The following IL1RAPL2 variants were observed in gnomAD, a reference collection of about 807,000 sequenced individuals.
The protein encoded by IL1RAPL2 is X-linked interleukin-1 receptor accessory protein-like 2.
A neutral mutation model predicts 44.1 loss-of-function variants in IL1RAPL2; 3 were observed. That is an observed-to-expected ratio of 0.07 (90% CI 0.03 to 0.18). The LOEUF (loss-of-function observed/expected upper bound fraction) is 0.18. Among genes scored for constraint, IL1RAPL2 ranks in the 10% least tolerant of loss-of-function variants. The probability of loss-of-function intolerance (pLI) is 1.00; values close to 1 mark genes in which losing one functional copy is unlikely to be tolerated. For missense variants in IL1RAPL2, 391 were observed against 496.4 expected, an observed-to-expected ratio of 0.79 and a Z score of 2.02; for synonymous variants, 181 against 178.8, an observed-to-expected ratio of 1.01 and a Z score of -0.10.
chrX:105,361,196 T>C (rs1438125113), intron 5 of IL1RAPL2, among the ~76,000 whole-genome samples: 3 of 111,093 alleles, frequency 2.7e-5, no homozygotes, highest in African/African-American at 9.8e-5. Context: ...TCAGAACAGA[T>C]TTAATCTCCA....
intron 2 of IL1RAPL2, among the ~76,000 whole-genome samples, chrX:104,852,442 T>C (rs765047610): frequency 1.1e-4 from 12 of 112,163 alleles, no homozygotes; most frequent in South Asian, 7.5e-4. Flanking sequence ...TGCAGTCTTT[T>C]GTAATAGTTC....
intron 5 of IL1RAPL2, among the ~76,000 whole-genome samples, chrX:105,342,151 G>A (rs960290753): frequency 4.1e-4 from 33 of 80,907 alleles, no homozygotes; most frequent in Admixed American, 1.1e-3. Context: ...ACACACTGGG[G>A]ACTGTTGTGG....
chrX:105,025,918 A>G (rs73518215), intron 2 of IL1RAPL2, among the ~76,000 whole-genome samples: 7,623 of 111,188 alleles, frequency 0.069, 698 homozygotes, highest in African/African-American at 0.24. Flanking sequence ...CAGTTATGAA[A>G]GAAAGGCCCT....
intron 2 of IL1RAPL2, among the ~76,000 whole-genome samples, chrX:104,724,361 G>A (rs1398196902): frequency 1.8e-5 from 2 of 111,217 alleles, no homozygotes; most frequent in East Asian, 5.7e-4. Flanking sequence ...TATACCTAAT[G>A]TTAAATGATG....
intron 2 of IL1RAPL2, among the ~76,000 whole-genome samples, chrX:105,131,528 A>T (rs1289115608): frequency 9.1e-6 from 1 of 110,179 alleles, no homozygotes; most frequent in Non-Finnish European, 1.9e-5. Context: ...TCAACCTGTA[A>T]ATATTTTTTT....
At chrX:104,669,474 C>T (rs1478729485) in intron 2 of IL1RAPL2, among the ~76,000 whole-genome samples, 1 of 111,265 alleles carries the variant, frequency 9.0e-6, no homozygotes, top group Non-Finnish European at 1.9e-5. Flanking sequence ...TAACAAACCA[C>T]TCCATACGTT....
chrX:104,774,580 G>A (rs1211098661), intron 2 of IL1RAPL2, among the ~76,000 whole-genome samples: 4 of 111,948 alleles, frequency 3.6e-5, no homozygotes, highest in Non-Finnish European at 7.5e-5. Context: ...TTATCTGAAT[G>A]CATGTTTGTG....
chrX:105,595,148 T>C lies in IL1RAPL2; in HGVS notation c.772+110761T>C, dbSNP rs775211971. Among the ~76,000 whole-genome samples the C allele has an allele frequency of 2.7e-5, 3 of 112,296 alleles. No individual in the cohort carries two copies. The South Asian group carries it at 1.1e-3, about 42-fold the overall frequency. ...TTACCTTGTAGAAGAAAGGACTTTT[T>C]TGATCACTGAAAACTTCAAATTATA... is the stretch of plus-strand genomic sequence containing the variant. On this transcript the variant is annotated intron_variant, in intron 6 of 10. Coordinates refer to ENST00000372582, the MANE Select transcript of IL1RAPL2 (RefSeq NM_017416.2).
intron 5 of IL1RAPL2, among the ~76,000 whole-genome samples, chrX:105,461,471 G>T (rs2036092307): frequency 9.0e-6 from 1 of 110,779 alleles, no homozygotes; most frequent in Non-Finnish European, 1.9e-5. Flanking sequence ...GGCTTGAAAG[G>T]GTTAGTGCCA....
At chrX:105,641,536 C>G (rs1421695697) in intron 6 of IL1RAPL2, among the ~76,000 whole-genome samples, 1 of 111,480 alleles carries the variant, frequency 9.0e-6, no homozygotes, top group African/African-American at 3.3e-5. Context: ...AGACAATAAG[C>G]AAAGTGAATG....
intron 6 of IL1RAPL2, among the ~76,000 whole-genome samples, chrX:105,575,243 A>G (rs2037042128): frequency 9.1e-6 from 1 of 110,472 alleles, no homozygotes; most frequent in African/African-American, 3.3e-5. Flanking sequence ...AACTTGTGTC[A>G]TGGGGGCTTG....
chrX:104,735,530 C>T (rs1227040538), intron 2 of IL1RAPL2, among the ~76,000 whole-genome samples: 1 of 111,188 alleles, frequency 9.0e-6, no homozygotes, highest in African/African-American at 3.3e-5. Context: ...AGTAGCCACA[C>T]AAAACTAAAA....
intron 2 of IL1RAPL2, among the ~76,000 whole-genome samples, chrX:104,770,632 T>A (rs1265758841): frequency 1.8e-5 from 2 of 112,230 alleles, no homozygotes; most frequent in Non-Finnish European, 3.8e-5. Context: ...CTAGTAAGTG[T>A]CAGAGCCATG....
intron 5 of IL1RAPL2, among the ~76,000 whole-genome samples, chrX:105,383,370 C>T (rs1430500656): frequency 9.0e-6 from 1 of 111,470 alleles, no homozygotes; most frequent in African/African-American, 3.3e-5. Flanking sequence ...TCTTTCTTTT[C>T]CTGGCTTATT....
intron 1 of IL1RAPL2, among the ~76,000 whole-genome samples, chrX:104,652,118 A>G (rs2148020628): frequency 8.9e-6 from 1 of 112,135 alleles, no homozygotes; most frequent in Admixed American, 9.4e-5. Flanking sequence ...TTCACAATTG[A>G]TTGAGAATCA....
chrX:105,260,657 G>A (rs1411799512), intron 4 of IL1RAPL2, among the ~76,000 whole-genome samples: 1 of 112,112 alleles, frequency 8.9e-6, no homozygotes, highest in Non-Finnish European at 1.9e-5. Context: ...CAGTGAGGAG[G>A]AGTAGGATCG....
intron 2 of IL1RAPL2, among the ~76,000 whole-genome samples, chrX:104,855,251 A>T (rs1448678602): frequency 8.9e-6 from 1 of 111,843 alleles, no homozygotes; most frequent in Non-Finnish European, 1.9e-5. Context: ...ATATGACAGG[A>T]ATCAGGATTC....
intron 2 of IL1RAPL2, among the ~76,000 whole-genome samples, chrX:104,996,096 A>C (rs111840539): frequency 0.053 from 5,941 of 111,207 alleles, 420 homozygotes; most frequent in African/African-American, 0.19. Flanking sequence ...TTCCCCAAAC[A>C]TAATAGGTTT....
chrX:105,688,384 C>A (rs1044406906), intron 6 of IL1RAPL2, among the ~76,000 whole-genome samples: 1 of 111,934 alleles, frequency 8.9e-6, no homozygotes, highest in African/African-American at 3.3e-5. Context: ...TCTCAGGATA[C>A]AAAATCAATG....
Sources: gnomAD v4.1 joint callset for allele counts (sites outside exome capture counted in the v4.1 genomes callset) on GRCh38, gnomAD v4.1.1 for gene constraint, MANE v1.5 for transcripts, NCBI Gene and HGNC (gene_info 2026-07-23, HGNC 2026-07-21) for gene names.